The following GRID1 variants were observed in gnomAD, a reference collection of about 807,000 sequenced individuals.
GRID1 encodes the protein glutamate ionotropic receptor delta type subunit 1, also known as glutamate receptor ionotropic, delta-1.
A neutral mutation model predicts 98.0 loss-of-function variants in GRID1; 28 were observed. That is an observed-to-expected ratio of 0.29 (90% CI 0.21 to 0.39). The LOEUF (loss-of-function observed/expected upper bound fraction) is 0.39, where lower values mean the gene tolerates loss of function less well. Among genes scored for constraint, GRID1 ranks in the 10% least tolerant of loss-of-function variants. GRID1 has a pLI of 1.00. For synonymous variants in GRID1, 553 were observed against 538.5 expected, an observed-to-expected ratio of 1.03 and a Z score of -0.37; for missense variants, 1,111 against 1,340.5, an observed-to-expected ratio of 0.83 and a Z score of 2.67.
intron 3 of GRID1, among the ~76,000 whole-genome samples, chr10:86,176,820 C>G (rs1321485816): frequency 6.6e-6 from 1 of 152,002 alleles, no homozygotes; most frequent in African/African-American, 2.4e-5. Flanking sequence ...TGTAATGGTG[C>G]AGATGGAGGA....
chr10:86,004,784 C>T (rs892541605), intron 4 of GRID1, among the ~76,000 whole-genome samples: 1 of 150,582 alleles, frequency 6.6e-6, no homozygotes, highest in Non-Finnish European at 1.5e-5. Flanking sequence ...CTCTGGAGAA[C>T]CCTAGCATCC....
intron 4 of GRID1, among the ~76,000 whole-genome samples, chr10:86,121,075 C>A (rs1844657213): frequency 6.6e-6 from 1 of 152,138 alleles, no homozygotes; most frequent in African/African-American, 2.4e-5. Flanking sequence ...CCCTCCACAA[C>A]ATGAAGTAAG....
At chr10:85,972,386 C>T (rs565402207) in intron 4 of GRID1, among the ~76,000 whole-genome samples, 4 of 149,332 alleles carry the variant, frequency 2.7e-5, no homozygotes. Flanking sequence ...CACAGGCCAG[C>T]CATCCCATGA....
chr10:85,701,669 A>C (rs912929752), intron 12 of GRID1, among the ~76,000 whole-genome samples: 1 of 152,196 alleles, frequency 6.6e-6, no homozygotes, highest in African/African-American at 2.4e-5. Context: ...AGAGCTCTCC[A>C]CATTCAAGGA....
At chr10:86,057,829 T>C (rs1007395486) in intron 4 of GRID1, among the ~76,000 whole-genome samples, 3 of 152,250 alleles carry the variant, frequency 2.0e-5, no homozygotes, top group African/African-American at 7.2e-5. Flanking sequence ...TTAGTTAATG[T>C]CTGTCTTTCC....
At chr10:86,139,217 C>T (rs1304714017) in intron 3 of GRID1, among the ~76,000 whole-genome samples, 193 bp from the exon 4 acceptor site, 1 of 152,178 alleles carries the variant, frequency 6.6e-6, no homozygotes, top group Non-Finnish European at 1.5e-5. Context: ...CACCAGTGTC[C>T]AGCCCTGGCT....
intron 12 of GRID1, among the ~76,000 whole-genome samples, chr10:85,712,351 T>C (rs761841580): frequency 6.6e-6 from 1 of 151,814 alleles, no homozygotes; most frequent in Non-Finnish European, 1.5e-5. Context: ...AGGTTGACTA[T>C]ACTTATATCC....
At chr10:86,243,933 A>G (rs12219277) in intron 2 of GRID1, among the ~76,000 whole-genome samples, 3,409 of 152,350 alleles carry the variant, frequency 0.022, 53 homozygotes, top group Middle Eastern at 0.068. Flanking sequence ...ACACATGTGC[A>G]CACAAGCACA....
intron 4 of GRID1, among the ~76,000 whole-genome samples, chr10:86,108,893 G>A (rs909448419): frequency 3.9e-5 from 6 of 152,062 alleles, no homozygotes; most frequent in African/African-American, 1.2e-4. Flanking sequence ...AGACCCCACC[G>A]AGGTTGGCTA....
chr10:86,022,012 A>G (rs1391981352), intron 4 of GRID1, among the ~76,000 whole-genome samples: 2 of 152,228 alleles, frequency 1.3e-5, no homozygotes, highest in Admixed American at 6.5e-5. Context: ...ATAAAAGGGT[A>G]AAAAGAAACC....
intron 8 of GRID1, among the ~76,000 whole-genome samples, chr10:85,751,584 C>A (rs373440803): frequency 1.3e-5 from 2 of 152,086 alleles, no homozygotes; most frequent in Admixed American, 6.5e-5. Context: ...AGCTCAATCT[C>A]CCCAGTGGCT....
chr10:85,599,802 A>AAAAATATAC lies in GRID1; in HGVS notation c.*2470_*2471insGTATATTTT. 20 of 64,980 alleles carry AAAAATATAC rather than the reference A, an allele frequency of 3.1e-4. 1 individual carries two copies. The highest frequency in any genetic ancestry group is 1.8e-3 in the African/African-American group (19 of 10,730). 4.0% of individuals were successfully genotyped at this position (64,980 alleles called of 1,614,324 possible). ...GTAGAAAATTCTAAAAAAAAAAAAAAATATATATATATATATATAAACATG... is the reference window on the plus strand; with the variant it reads ...GTAGAAAATTCTAAAAAAAAAAAAAAAAAATATACATATATATATATATATATAAACATG... On this transcript the variant is annotated 3_prime_UTR_variant, in exon 16 of 16. Coordinates refer to ENST00000327946, the MANE Select transcript of GRID1 (RefSeq NM_017551.3).
intron 5 of GRID1, among the ~76,000 whole-genome samples, chr10:85,914,827 A>G (rs1251501034): frequency 6.6e-6 from 1 of 152,242 alleles, no homozygotes; most frequent in African/African-American, 2.4e-5. Flanking sequence ...ATTTAGGAGC[A>G]GCTGAAGGCC....
chr10:86,346,334 G>T (rs967404096), intron 2 of GRID1, among the ~76,000 whole-genome samples: 5 of 152,238 alleles, frequency 3.3e-5, no homozygotes, highest in Admixed American at 2.6e-4. Context: ...ATTAAGTCCA[G>T]CAAACCATAA....
intron 12 of GRID1, among the ~76,000 whole-genome samples, chr10:85,648,551 C>T (rs1354909411): frequency 7.3e-6 from 1 of 136,986 alleles, no homozygotes; most frequent in Non-Finnish European, 1.6e-5. Flanking sequence ...AGCCAGTCTT[C>T]TCAACTGGAT....
chr10:85,658,203 G>T (rs192881486), intron 12 of GRID1, among the ~76,000 whole-genome samples: 194 of 152,226 alleles, frequency 1.3e-3, no homozygotes, highest in African/African-American at 4.0e-3. Context: ...GCTAATATTA[G>T]TTTTCACCAT....
At chr10:86,015,569 AGGAAGTGGCAGGGCGAGT>A (rs1842970275) in intron 4 of GRID1, among the ~76,000 whole-genome samples, 1 of 152,218 alleles carries the variant, frequency 6.6e-6, no homozygotes, top group Non-Finnish European at 1.5e-5. Flanking sequence ...CCAGCTGTGG[AGGAAGTGGCAGGGCGAGT>A]GGAAGTGGCA....
chr10:85,861,532 T>C (rs914928493), intron 6 of GRID1, among the ~76,000 whole-genome samples: 6 of 152,132 alleles, frequency 3.9e-5, no homozygotes, highest in Non-Finnish European at 5.9e-5. Flanking sequence ...GAGTGTGTGT[T>C]GTGTGGTGGA....
At chr10:86,203,042 A>C (rs763165449) in intron 3 of GRID1, among the ~76,000 whole-genome samples, 2 of 152,158 alleles carry the variant, frequency 1.3e-5, no homozygotes, top group Admixed American at 6.5e-5. Flanking sequence ...AACCTTTCTG[A>C]GCCTCATTTT....
Sources: gnomAD v4.1 joint callset for allele counts (sites outside exome capture counted in the v4.1 genomes callset) on GRCh38, gnomAD v4.1.1 for gene constraint, MANE v1.5 for transcripts, NCBI Gene and HGNC (gene_info 2026-07-23, HGNC 2026-07-21) for gene names.